The following C9orf85 variants were observed in gnomAD, a reference collection of about 807,000 sequenced individuals.
C9orf85 encodes chromosome 9 open reading frame 85.
C9orf85 carries 16 observed loss-of-function variants against 14.9 expected under a neutral mutation model. The ratio of observed to expected loss-of-function variants is 1.08; its 90% CI spans 0.73 to 1.63. The LOEUF (loss-of-function observed/expected upper bound fraction) is 1.63. C9orf85 is among the 40% of genes most tolerant of loss of function. The pLI is 0.00. For missense variants in C9orf85, 172 were observed against 186.1 expected (o/e 0.92, Z 0.44); for synonymous variants, 45 against 56.8 (o/e 0.79, Z 0.93).
intron 2 of C9orf85, among the ~76,000 whole-genome samples, chr9:71,949,942 A>G (rs577145517): frequency 2.0e-5 from 3 of 152,280 alleles, no homozygotes; most frequent in Admixed American, 6.5e-5. Context: ...AGTCCTTCCT[A>G]CATTTGCTGT....
At chr9:71,968,095 T>TAGAGAG (rs1278553423) in intron 2 of C9orf85, among the ~76,000 whole-genome samples, 1 of 14,928 alleles carries the variant, frequency 6.7e-5, no homozygotes, top group Non-Finnish European at 1.7e-4. Flanking sequence ...TGCATATATA[T>TAGAGAG]ATATATAGAG....
At chr9:71,967,898 G>A (rs527694716) in intron 2 of C9orf85, among the ~76,000 whole-genome samples, 39 of 152,026 alleles carry the variant, frequency 2.6e-4, no homozygotes, top group African/African-American at 8.7e-4. Context: ...TTTTTAGGTT[G>A]AGAGTGTTTC....
intron 1 of C9orf85, among the ~76,000 whole-genome samples, chr9:71,913,503 T>C (rs1252311380): frequency 6.6e-6 from 1 of 152,144 alleles, no homozygotes; most frequent in African/African-American, 2.4e-5. Context: ...AATTAAGTGC[T>C]CTCCTTTCCC....
rs553584749 is a variant in C9orf85 at position 71,943,549 on chromosome 9, G to GT, written c.103-3447dup. Reference sequence around the variant, plus strand: ...GCCCAGCTTCTTTTTTTTGTTTTTTGTTTTTTTTTTGAGAAGGAGTTTCGC... The same window carrying GT: ...GCCCAGCTTCTTTTTTTTGTTTTTTGTTTTTTTTTTTGAGAAGGAGTTTCGC... On this transcript the variant is annotated intron_variant, in intron 1 of 3. Transcript: ENST00000334731. Among the ~76,000 whole-genome samples, 587 of 145,546 alleles carry GT rather than the reference G, an allele frequency of 4.0e-3. 2 individuals are homozygous for GT. The highest frequency in any genetic ancestry group is 0.012 in the African/African-American group (466 of 39,588).
intron 1 of C9orf85, among the ~76,000 whole-genome samples, chr9:71,927,374 T>TA (rs1441400222): frequency 6.6e-6 from 1 of 151,986 alleles, no homozygotes. Flanking sequence ...GGGTTAACTT[T>TA]AAAAATGATT....
downstream of C9orf85, among the ~76,000 whole-genome samples, chr9:71,976,656 C>T (rs1823004542): frequency 7.0e-6 from 1 of 143,234 alleles, no homozygotes; most frequent in Non-Finnish European, 1.5e-5. Context: ...AGCGAGACTC[C>T]ATCTCAAAAA....
intron 1 of C9orf85, among the ~76,000 whole-genome samples, chr9:71,929,864 C>G (rs1828028285): frequency 6.7e-6 from 1 of 149,270 alleles, no homozygotes; most frequent in African/African-American, 2.5e-5. Context: ...ATGCCTTAAA[C>G]TTAAAGATAT....
intron 2 of C9orf85, among the ~76,000 whole-genome samples, chr9:71,968,700 G>A (rs1822769878): frequency 6.6e-6 from 1 of 152,116 alleles, no homozygotes; most frequent in African/African-American, 2.4e-5. Context: ...AATTTTCTCA[G>A]CAAGGCAATT....
intron 1 of C9orf85, among the ~76,000 whole-genome samples, chr9:71,928,482 T>C (rs1827985097): frequency 6.6e-6 from 1 of 152,172 alleles, no homozygotes; most frequent in African/African-American, 2.4e-5. Context: ...TCATATTTTT[T>C]TGGATTGTTC....
chr9:71,938,701 T>C (rs1273831015), intron 1 of C9orf85, among the ~76,000 whole-genome samples: 1 of 151,932 alleles, frequency 6.6e-6, no homozygotes, highest in Non-Finnish European at 1.5e-5. Flanking sequence ...GCTTGTATTT[T>C]CTTACAATGT....
At chr9:71,965,230 C>T (rs549723136) in intron 2 of C9orf85, among the ~76,000 whole-genome samples, 1 of 152,206 alleles carries the variant, frequency 6.6e-6, no homozygotes, top group African/African-American at 2.4e-5. Context: ...CCTCCCACTG[C>T]GCTCTCAGGC....
downstream of C9orf85, chr9:71,986,050 A>G (rs371197324): frequency 2.0e-5 from 3 of 152,244 alleles, no homozygotes; most frequent in African/African-American, 7.2e-5. Context: ...CTTTAGCAAT[A>G]AAAAGAAATA....
At chr9:71,944,687 A>G (rs1371878461) in intron 1 of C9orf85, among the ~76,000 whole-genome samples, 1 of 152,126 alleles carries the variant, frequency 6.6e-6, no homozygotes, top group Non-Finnish European at 1.5e-5. Context: ...CTTTGCTCAC[A>G]TCTCTGGAAT....
chr9:71,952,316 C>G (rs1338897994), intron 2 of C9orf85, among the ~76,000 whole-genome samples: 1 of 151,956 alleles, frequency 6.6e-6, no homozygotes, highest in South Asian at 2.1e-4. Context: ...TGTTGAGTAC[C>G]ACATATCCTG....
downstream of C9orf85, among the ~76,000 whole-genome samples, chr9:71,974,574 TTTGAG>T (rs1822969440): frequency 6.6e-6 from 1 of 152,160 alleles, no homozygotes; most frequent in Non-Finnish European, 1.5e-5. Flanking sequence ...TTGAGAGACA[TTTGAG>T]TTATCTCACA....
chr9:71,937,810 T>C (rs1473723229), intron 1 of C9orf85, among the ~76,000 whole-genome samples: 1 of 151,080 alleles, frequency 6.6e-6, no homozygotes, highest in Non-Finnish European at 1.5e-5. Context: ...GAAATATTGA[T>C]ATATGTGTGC....
intron 2 of C9orf85, among the ~76,000 whole-genome samples, chr9:71,960,258 T>C (rs35278293): frequency 0.12 from 17,528 of 152,274 alleles, 1,148 homozygotes; most frequent in Middle Eastern, 0.15. Context: ...TTGACTTTCA[T>C]AGACAATACA....
chr9:71,948,499 CT>C (rs930211559), intron 2 of C9orf85, among the ~76,000 whole-genome samples: 19 of 151,812 alleles, frequency 1.3e-4, no homozygotes, highest in Non-Finnish European at 2.2e-4. Flanking sequence ...GTTGACCCCC[CT>C]TTTGTTTTAT....
At chr9:71,919,153 G>A (rs1004556087) in intron 1 of C9orf85, among the ~76,000 whole-genome samples, 1 of 152,178 alleles carries the variant, frequency 6.6e-6, no homozygotes. Context: ...AGACTTTGCT[G>A]TGGGAAAAAC....
Sources: allele counts gnomAD v4.1 joint callset (sites outside exome capture counted in the v4.1 genomes callset), GRCh38; gene constraint gnomAD v4.1.1; transcripts MANE v1.5; gene names NCBI Gene and HGNC (gene_info 2026-07-23, HGNC 2026-07-21).